Variants in CD96 observed in about 807,000 individuals in gnomAD.
CD96 encodes CD96 molecule.
Under a neutral mutation model 71.3 loss-of-function variants are expected in CD96, and 70 were observed. The observed-to-expected ratio is 0.98, with a 90% CI of 0.81 to 1.20. CD96 has a LOEUF of 1.20. CD96 is among the 50% of genes most tolerant of loss of function. CD96 has a pLI of 0.00. For missense variants in CD96, 742 were observed against 677.5 expected, an observed-to-expected ratio of 1.10 and a Z score of -1.06; for synonymous variants, 248 against 233.0, an observed-to-expected ratio of 1.06 and a Z score of -0.59.
At chr3:111,584,870 C>T (rs1936637029) in intron 4 of CD96, among the ~76,000 whole-genome samples, 1 of 152,136 alleles carries the variant, frequency 6.6e-6, no homozygotes, top group Admixed American at 6.5e-5. Context: ...TCTCCCTCCC[C>T]ACCACCCATC....
intron 2 of CD96, among the ~76,000 whole-genome samples, chr3:111,553,920 T>C (rs1025715597): frequency 2.0e-5 from 3 of 152,014 alleles, no homozygotes; most frequent in Non-Finnish European, 4.4e-5. Context: ...CAGTTTGTCA[T>C]TTATTCTTAC....
chr3:111,556,815 C>G (rs535061825), intron 2 of CD96, among the ~76,000 whole-genome samples: 32 of 151,848 alleles, frequency 2.1e-4, no homozygotes, highest in African/African-American at 7.0e-4. Flanking sequence ...GTTTACAGTC[C>G]CACCAACAGT....
chr3:111,637,496 A>AT (rs1460033783), intron 11 of CD96, among the ~76,000 whole-genome samples: 1 of 152,234 alleles, frequency 6.6e-6, no homozygotes, highest in Non-Finnish European at 1.5e-5. Flanking sequence ...ACACAATAGC[A>AT]TTTTTTACTA....
At chr3:111,616,557 A>G (rs573010808) in intron 8 of CD96, among the ~76,000 whole-genome samples, 26 of 152,286 alleles carry the variant, frequency 1.7e-4, no homozygotes, top group Non-Finnish European at 2.6e-4. Flanking sequence ...GATGATGATG[A>G]TGCATGCTGC....
intron 5 of CD96, among the ~76,000 whole-genome samples, chr3:111,597,297 C>T (rs1937302093): frequency 6.6e-6 from 1 of 152,094 alleles, no homozygotes; most frequent in African/African-American, 2.4e-5. Context: ...ATATTTTCAC[C>T]AGACTGTAAA....
chr3:111,593,840 C>A (rs147488602), intron 5 of CD96: 1 of 1,613,990 alleles, frequency 6.2e-7, no homozygotes, highest in Non-Finnish European at 8.5e-7. Flanking sequence ...TGGATCCTGG[C>A]GCTGCCCAGC....
chr3:111,627,819 T>C (rs1938852350), intron 10 of CD96, among the ~76,000 whole-genome samples: 1 of 152,274 alleles, frequency 6.6e-6, no homozygotes, highest in Non-Finnish European at 1.5e-5. Flanking sequence ...CCATATTTGC[T>C]GTTTCACAAC....
rs114514548 is a variant in CD96 at position 111,611,434 on chromosome 3, G to A, written c.1180+4642G>A. ...TTAGAAGAAAGTAAATCAGAAATTCGGCAGTTGATAGGGGCATTGGATTCT... is the reference window on the plus strand; with the variant it reads ...TTAGAAGAAAGTAAATCAGAAATTCAGCAGTTGATAGGGGCATTGGATTCT... On this transcript the variant is annotated intron_variant, in intron 8 of 13. Coordinates refer to ENST00000352690, the MANE Select transcript of CD96 (RefSeq NM_005816.5). Among the ~76,000 whole-genome samples the A allele has an allele frequency of 6.9e-3, 1,057 of 152,276 alleles. 4 individuals are homozygous for A. The highest frequency in any genetic ancestry group is 9.6e-3 in the Non-Finnish European group (652 of 68,030).
At chr3:111,587,360 A>G (rs1464567434) in intron 5 of CD96, among the ~76,000 whole-genome samples, 3 of 151,560 alleles carry the variant, frequency 2.0e-5, no homozygotes, top group Non-Finnish European at 4.4e-5. Context: ...GAAGGATGGT[A>G]GTCCTCTTCT....
chr3:111,638,266 G>T, intron 12 of CD96, 98 bp downstream of exon 12: 1 of 808,572 alleles, frequency 1.2e-6, no homozygotes, highest in Non-Finnish European at 2.2e-6. Context: ...GCCAGTTGTT[G>T]GATATACAGT....
At chr3:111,614,053 T>C (rs950468264) in intron 8 of CD96, among the ~76,000 whole-genome samples, 2 of 152,248 alleles carry the variant, frequency 1.3e-5, no homozygotes, top group African/African-American at 4.8e-5. Context: ...GATTTCCATA[T>C]AATAAATGTC....
intron 2 of CD96, among the ~76,000 whole-genome samples, chr3:111,550,452 G>C (rs1934640040): frequency 6.6e-6 from 1 of 152,064 alleles, no homozygotes; most frequent in Non-Finnish European, 1.5e-5. Flanking sequence ...ACACTTGACT[G>C]TGCTTCAAAG....
In CD96 at chr3:111,650,484, T is replaced by C. The variant is rs1240269810; in HGVS notation, c.*678T>C. 1 of 153,204 alleles carries C rather than the reference T, an allele frequency of 6.5e-6. No homozygotes were observed. The highest frequency in any genetic ancestry group is 2.4e-5 in the African/African-American group (1 of 41,456). The allele number at this position is 153,204 out of a possible 1,614,324, so 9.5% of individuals were successfully genotyped here. On this transcript the variant is annotated 3_prime_UTR_variant, in exon 14 of 14. Coordinates refer to ENST00000352690, the MANE Select transcript of CD96 (RefSeq NM_005816.5). ...GCCAAAAACCCAGTAGCCTAGAAGA[T>C]ACAAAACTCCACTGGCCTCTAAAAT...
chr3:111,628,296 A>G (rs1315293549), intron 10 of CD96, among the ~76,000 whole-genome samples: 1 of 152,222 alleles, frequency 6.6e-6, no homozygotes, highest in Admixed American at 6.5e-5. Context: ...ACAATGCAGG[A>G]GTTGACAGCC....
chr3:111,548,065 C>A (rs1934505360), intron 2 of CD96, among the ~76,000 whole-genome samples: 3 of 152,122 alleles, frequency 2.0e-5, no homozygotes, highest in African/African-American at 7.2e-5. Context: ...TTCTTATGCC[C>A]CTGTGCAATC....
intron 2 of CD96, among the ~76,000 whole-genome samples, chr3:111,556,078 C>T (rs1288387819): frequency 6.6e-6 from 1 of 152,296 alleles, no homozygotes; most frequent in African/African-American, 2.4e-5. Context: ...ATTTTTGCTA[C>T]TGACATTTCA....
chr3:111,596,038 T>A (rs998604438), intron 5 of CD96, among the ~76,000 whole-genome samples: 2 of 152,000 alleles, frequency 1.3e-5, no homozygotes, highest in Admixed American at 6.6e-5. Context: ...GGTGCACGCC[T>A]GTAATCCCAG....
In CD96 at chr3:111,552,869, T is replaced by C. The variant is rs557376922; in HGVS notation, c.418+7467T>C. On this transcript the variant is annotated intron_variant, in intron 2 of 13. Transcript: ENST00000352690. ...TATAAAAGCTTTAATTGTGGAAAACTCTAAACAATATACAAAAAATACATA... is the reference window on the plus strand; with the variant it reads ...TATAAAAGCTTTAATTGTGGAAAACCCTAAACAATATACAAAAAATACATA... Among the ~76,000 whole-genome samples, 1,042 of 152,254 alleles carry C rather than the reference T, an allele frequency of 6.8e-3. 6 individuals are homozygous for C. Among genetic ancestry groups the C allele is most frequent in the Non-Finnish European group, 0.011 (763 of 68,012 alleles).
At chr3:111,588,566 A>C (rs1049118890) in intron 5 of CD96, among the ~76,000 whole-genome samples, 1 of 151,870 alleles carries the variant, frequency 6.6e-6, no homozygotes, top group Non-Finnish European at 1.5e-5. Context: ...AGCAGTGCCC[A>C]CTCTTCTGAT....
Sources: gnomAD v4.1 joint callset for allele counts (sites outside exome capture counted in the v4.1 genomes callset) on GRCh38, gnomAD v4.1.1 for gene constraint, MANE v1.5 for transcripts, NCBI Gene and HGNC (gene_info 2026-07-23, HGNC 2026-07-21) for gene names.